TFCP2L1: variants seen among roughly 807,000 people sequenced by gnomAD.
TFCP2L1 encodes the protein transcription factor CP2 like 1.
In TFCP2L1, 12 loss-of-function variants were observed where a neutral mutation model predicts 72.2. That is an observed-to-expected ratio of 0.17 (90% CI 0.11 to 0.27). The LOEUF (loss-of-function observed/expected upper bound fraction) is 0.27. Among genes scored for constraint, TFCP2L1 ranks in the 10% least tolerant of loss-of-function variants. TFCP2L1 has a pLI of 1.00. For synonymous variants in TFCP2L1, 260 were observed against 251.0 expected, an observed-to-expected ratio of 1.04 and a Z score of -0.34; for missense variants, 488 against 624.6, an observed-to-expected ratio of 0.78 and a Z score of 2.33.
At chr2:121,260,745 C>T (rs540047472) in intron 2 of TFCP2L1, among the ~76,000 whole-genome samples, 9 of 152,300 alleles carry the variant, frequency 5.9e-5, no homozygotes, top group African/African-American at 2.2e-4. Flanking sequence ...TCCCCTGGGT[C>T]GTGCCCACCA....
Position 121,285,134 on chromosome 2 carries a change from C to G in TFCP2L1, c.-25G>C, listed in dbSNP as rs748320383. The G allele has an allele frequency of 5.4e-6, 8 of 1,473,318 alleles. No homozygotes were observed. The South Asian group carries it at 5.5e-5, about 10-fold the overall frequency. The allele number at this position is 1,473,318 out of a possible 1,614,324, so 91.3% of individuals were successfully genotyped here. A position where few individuals can be genotyped will look rare whatever the true frequency, so the allele number is the denominator to read the frequency against. On this transcript the variant is annotated 5_prime_UTR_variant, in exon 1 of 15. Transcript: ENST00000263707. Reference sequence around the variant, plus strand: ...TGGCTGGAACTCCCAGCGCGCCGACCGGGGCGCGGCAGCAAGCGCAGACGC... The same window carrying G: ...TGGCTGGAACTCCCAGCGCGCCGACGGGGGCGCGGCAGCAAGCGCAGACGC...
chr2:121,231,406 A>T (rs1686140496), intron 13 of TFCP2L1, among the ~76,000 whole-genome samples: 1 of 152,112 alleles, frequency 6.6e-6, no homozygotes, highest in Non-Finnish European at 1.5e-5. Context: ...TGGCACCTTC[A>T]CCACTTGGCA....
intron 2 of TFCP2L1, among the ~76,000 whole-genome samples, chr2:121,254,901 G>C (rs1230441537): frequency 6.6e-6 from 1 of 152,092 alleles, no homozygotes; most frequent in African/African-American, 2.4e-5. Flanking sequence ...TCCATTCACA[G>C]GGTGCTTATC....
intron 2 of TFCP2L1, among the ~76,000 whole-genome samples, chr2:121,276,422 C>T (rs1236079264): frequency 6.6e-6 from 1 of 151,914 alleles, no homozygotes; most frequent in Non-Finnish European, 1.5e-5. Context: ...TGCTTGAACC[C>T]AGGAGTTCAA....
intron 1 of TFCP2L1, among the ~76,000 whole-genome samples, chr2:121,282,233 CA>C (rs1484422069): frequency 1.3e-5 from 2 of 150,892 alleles, no homozygotes; most frequent in Non-Finnish European, 2.9e-5. Flanking sequence ...GCGCCCAGCC[CA>C]GTCTATTTTC....
chr2:121,228,073 C>T (rs926896345), intron 13 of TFCP2L1, among the ~76,000 whole-genome samples: 18 of 152,258 alleles, frequency 1.2e-4, no homozygotes, highest in Non-Finnish European at 2.1e-4. Context: ...GCCTCCAGCA[C>T]TCTGGGCAAT....
intron 1 of TFCP2L1, among the ~76,000 whole-genome samples, chr2:121,282,214 T>G (rs1687277585): frequency 6.6e-6 from 1 of 151,010 alleles, no homozygotes; most frequent in South Asian, 2.1e-4. Flanking sequence ...ATTACAGGTG[T>G]GAGCCACCGC....
At chr2:121,282,002 G>C (rs572402626) in intron 1 of TFCP2L1, among the ~76,000 whole-genome samples, 8 of 151,832 alleles carry the variant, frequency 5.3e-5, no homozygotes, top group Non-Finnish European at 1.2e-4. Context: ...GCGTGATCTC[G>C]GCTCACTACA....
chr2:121,230,249 G>A (rs1350835630), intron 13 of TFCP2L1, among the ~76,000 whole-genome samples: 1 of 152,136 alleles, frequency 6.6e-6, no homozygotes, highest in Non-Finnish European at 1.5e-5. Context: ...TCAGCTCACT[G>A]CAACCTCTGC....
intron 2 of TFCP2L1, among the ~76,000 whole-genome samples, chr2:121,269,576 CAT>C (rs1687002506): frequency 6.6e-6 from 1 of 152,108 alleles, no homozygotes; most frequent in African/African-American, 2.4e-5. Flanking sequence ...CGCTGGCCAA[CAT>C]AGAGACCCTT....
At chr2:121,269,111 T>C (rs528744221) in intron 2 of TFCP2L1, among the ~76,000 whole-genome samples, 4 of 151,986 alleles carry the variant, frequency 2.6e-5, no homozygotes, top group South Asian at 2.1e-4. Context: ...ACAAAAATAA[T>C]TAAGGTGAAG....
rs967894108 is a variant in TFCP2L1, at chr2:121,221,931, G to A, written c.*2410C>T. The A allele has an allele frequency of 6.7e-6, 1 of 148,816 alleles. No individual in the cohort carries two copies. Among genetic ancestry groups the A allele is most frequent in the African/African-American group, 2.5e-5 (1 of 40,684 alleles). The allele number at this position is 148,816 out of a possible 1,614,324, so 9.2% of individuals were successfully genotyped here. A position where few individuals can be genotyped will look rare whatever the true frequency, so the allele number is the denominator to read the frequency against. ...ATAAAAAGAAGGCTCATCCCTGGTA[G>A]TCTAGTGGTTAGGAAAACAGAAAAC... On this transcript the variant is annotated 3_prime_UTR_variant, in exon 15 of 15. Coordinates refer to ENST00000263707, the MANE Select transcript of TFCP2L1 (RefSeq NM_014553.3).
At chr2:121,282,774 T>G (rs984160342) in intron 1 of TFCP2L1, among the ~76,000 whole-genome samples, 3 of 152,010 alleles carry the variant, frequency 2.0e-5, no homozygotes, top group Non-Finnish European at 4.4e-5. Flanking sequence ...ATAAACAGAG[T>G]CACTGGTACA....
At chr2:121,247,896 G>A (rs1686521847) in intron 5 of TFCP2L1, among the ~76,000 whole-genome samples, 1 of 152,276 alleles carries the variant, frequency 6.6e-6, no homozygotes, top group Middle Eastern at 3.4e-3. Flanking sequence ...TTTCTGTTGG[G>A]AAATACTCAT....
At chr2:121,262,826 A>G (rs1156383836) in intron 2 of TFCP2L1, among the ~76,000 whole-genome samples, 4 of 152,234 alleles carry the variant, frequency 2.6e-5, no homozygotes. Context: ...CTGGGTCTCC[A>G]TATGAACATC....
intron 10 of TFCP2L1, among the ~76,000 whole-genome samples, chr2:121,236,165 TG>T (rs936022632): frequency 6.6e-6 from 1 of 152,106 alleles, no homozygotes; most frequent in African/African-American, 2.4e-5. Flanking sequence ...GGATGGGCGC[TG>T]GGGGGGCTTC....
In TFCP2L1 at chr2:121,222,702, A is replaced by C. The variant is rs1267444561; in HGVS notation, c.*1639T>G. 6.6e-6 allele frequency: 1 copy of C among 152,226 alleles called. No individual in the cohort carries two copies. Among genetic ancestry groups the C allele is most frequent in the East Asian group, 1.9e-4 (1 of 5,194 alleles). The allele number at this position is 152,226 out of a possible 1,614,324, so 9.4% of individuals were successfully genotyped here. On this transcript the variant is annotated 3_prime_UTR_variant, in exon 15 of 15. Coordinates refer to ENST00000263707, the MANE Select transcript of TFCP2L1 (RefSeq NM_014553.3). ...TTACTGGGGGTGATGAAAATGTACC[A>C]ACGTTGACTGTAATTCTGTGAATTG...
intron 7 of TFCP2L1, 45 bp from the exon 8 acceptor site, chr2:121,239,694 G>A (rs758819404): frequency 1.9e-6 from 3 of 1,577,030 alleles, no homozygotes; most frequent in Non-Finnish European, 2.6e-6. Context: ...GAGAGGCGCT[G>A]AGCCGTGCTC....
intron 13 of TFCP2L1, among the ~76,000 whole-genome samples, chr2:121,227,601 A>C (rs13390512): frequency 0.019 from 2,872 of 152,152 alleles, 110 homozygotes; most frequent in African/African-American, 0.065. Flanking sequence ...GAATCGCTTG[A>C]ATGCAGGAGG....
Sources: allele counts gnomAD v4.1 joint callset (sites outside exome capture counted in the v4.1 genomes callset), GRCh38; gene constraint gnomAD v4.1.1; transcripts MANE v1.5; gene names NCBI Gene and HGNC (gene_info 2026-07-23, HGNC 2026-07-21).